The following SKA1 variants were observed in gnomAD, a reference collection of about 807,000 sequenced individuals.
SKA1 encodes spindle and kinetochore associated complex subunit 1, also known as SKA complex subunit 1.
In SKA1, 20 loss-of-function variants were observed where a neutral mutation model predicts 31.8. The observed-to-expected ratio is 0.63, with a 90% CI of 0.44 to 0.91. The LOEUF (loss-of-function observed/expected upper bound fraction) is 0.91, where lower values mean the gene tolerates loss of function less well. Ranked by LOEUF, SKA1 falls within the 40% of genes least tolerant of loss-of-function variation. SKA1 has a pLI of 0.00. For missense variants in SKA1, 253 were observed against 298.2 expected, an observed-to-expected ratio of 0.85 and a Z score of 1.12; for synonymous variants, 88 against 100.5, an observed-to-expected ratio of 0.88 and a Z score of 0.74.
intron 5 of SKA1, among the ~76,000 whole-genome samples, chr18:50,386,103 A>G (rs906977113): frequency 2.0e-5 from 3 of 152,190 alleles, no homozygotes; most frequent in African/African-American, 7.2e-5. Context: ...ACCTGTTATT[A>G]TAGCAATGTA....
intron 5 of SKA1, among the ~76,000 whole-genome samples, chr18:50,385,643 A>C (rs182568463): frequency 2.4e-4 from 37 of 152,320 alleles, no homozygotes; most frequent in Non-Finnish European, 4.4e-4. Context: ...GTTTTGTGGT[A>C]ATTTTAAGGA....
chr18:50,377,379 T>G (rs1300923787), intron 2 of SKA1, among the ~76,000 whole-genome samples: 1 of 152,152 alleles, frequency 6.6e-6, no homozygotes, highest in African/African-American at 2.4e-5. Context: ...AAAGGCAAGT[T>G]AAAAAAACTG....
intron 5 of SKA1, among the ~76,000 whole-genome samples, chr18:50,390,528 G>A (rs975267102): frequency 1.3e-5 from 2 of 152,202 alleles, no homozygotes; most frequent in Non-Finnish European, 2.9e-5. Flanking sequence ...ACTTGAGCTA[G>A]GGCATAGAAA....
At chr18:50,386,884 G>A (rs944350133) in intron 5 of SKA1, among the ~76,000 whole-genome samples, 12 of 152,156 alleles carry the variant, frequency 7.9e-5, no homozygotes, top group Admixed American at 1.3e-4. Context: ...ACACTAAATA[G>A]TACTCCATTG....
intron 3 of SKA1, among the ~76,000 whole-genome samples, chr18:50,381,787 G>T (rs1477805240): frequency 6.9e-6 from 1 of 144,318 alleles, no homozygotes; most frequent in Non-Finnish European, 1.5e-5. Flanking sequence ...GTGCAGTGGC[G>T]CGATCTCAGC....
chr18:50,391,212 C>T lies in SKA1; in HGVS notation c.538C>T (p.His180Tyr), dbSNP rs773447000. The T allele has an allele frequency of 6.8e-6, 11 of 1,606,072 alleles. No individual in the cohort carries two copies. Among genetic ancestry groups the T allele is most frequent in the Non-Finnish European group, 9.3e-6 (11 of 1,177,822 alleles). Reference protein sequence around the residue: ...KAVISKYKILHQPKKSMNSVT... With the variant: ...KAVISKYKILYQPKKSMNSVT... ...AGTAATTAGTAAATATAAAATCCTA[C>T]ATCAGCCAAAAAAGTCTATGAATTC... The change falls in exon 6 of 7, where the codon CAT becomes TAT. Residue 180 changes from histidine (H) to tyrosine (Y), a missense_variant. His to Tyr is a moderately conservative substitution (Grantham distance 83). Transcript: ENST00000285116.
intron 2 of SKA1, among the ~76,000 whole-genome samples, chr18:50,377,847 A>T (rs981346095): frequency 2.0e-5 from 3 of 152,200 alleles, no homozygotes; most frequent in African/African-American, 7.2e-5. Flanking sequence ...ATTGATAACT[A>T]CTAATAAAGG....
chr18:50,376,690 AC>A (rs1239114661), intron 2 of SKA1, among the ~76,000 whole-genome samples: 1 of 152,176 alleles, frequency 6.6e-6, no homozygotes, highest in African/African-American at 2.4e-5. Flanking sequence ...GCTTACTATA[AC>A]TTTTTTACTT....
At chr18:50,385,101 A>G (rs16951837) in intron 4 of SKA1, 115 bp from the exon 5 acceptor site, 19,371 of 801,342 alleles carry the variant, frequency 0.024, 1,481 homozygotes, top group African/African-American at 0.2. Context: ...AATGTTGGCA[A>G]TAAGATTATA....
At chr18:50,376,801 G>T (rs951197651) in intron 2 of SKA1, among the ~76,000 whole-genome samples, 1 of 133,974 alleles carries the variant, frequency 7.5e-6, no homozygotes, top group East Asian at 2.3e-4. Flanking sequence ...ATCTTTATGA[G>T]CTTTTTTTCT....
At chr18:50,391,802 A>G (rs2149324123) in intron 6 of SKA1, among the ~76,000 whole-genome samples, 1 of 152,342 alleles carries the variant, frequency 6.6e-6, no homozygotes, top group African/African-American at 2.4e-5. Context: ...GTCCAAGGTC[A>G]TCCAGTTAAA....
At chr18:50,389,343 G>C (rs1359308508) in intron 5 of SKA1, among the ~76,000 whole-genome samples, 3 of 150,176 alleles carry the variant, frequency 2.0e-5, no homozygotes, top group Non-Finnish European at 3.0e-5. Flanking sequence ...TTCTGGGGGG[G>C]AGAGGGTCAT....
At chr18:50,375,711 C>A (rs937477337) in intron 1 of SKA1, 109 bp from the exon 2 acceptor site, 1 of 669,696 alleles carries the variant, frequency 1.5e-6, no homozygotes, top group Non-Finnish European at 2.5e-6. Context: ...TGTGCTTAAC[C>A]TTCAAAGACA....
intron 5 of SKA1, among the ~76,000 whole-genome samples, chr18:50,389,375 C>CTTTTTTTTTT (rs756288352): frequency 7.0e-5 from 6 of 86,128 alleles, no homozygotes; most frequent in African/African-American, 1.5e-4. Context: ...CTTTACCTTT[C>CTTTTTTTTTT]TTTTTTTTTT....
intron 3 of SKA1, among the ~76,000 whole-genome samples, chr18:50,380,980 G>A (rs1156381297): frequency 6.6e-6 from 1 of 152,188 alleles, no homozygotes; most frequent in Non-Finnish European, 1.5e-5. Context: ...ATAGGAATGG[G>A]CATGATTATG....
intron 2 of SKA1, among the ~76,000 whole-genome samples, chr18:50,379,892 G>A (rs2041249827): frequency 6.6e-6 from 1 of 152,180 alleles, no homozygotes; most frequent in Non-Finnish European, 1.5e-5. Flanking sequence ...GAATTTGCCA[G>A]AAACAAAAGA....
intron 4 of SKA1, among the ~76,000 whole-genome samples, chr18:50,384,893 A>T (rs868293819): frequency 8.7e-6 from 1 of 115,094 alleles, no homozygotes; most frequent in Non-Finnish European, 1.7e-5. Flanking sequence ...AAAAAAAAGG[A>T]AAAAAAAAAA....
intron 5 of SKA1, among the ~76,000 whole-genome samples, 176 bp from the exon 6 acceptor site, chr18:50,390,948 C>A (rs2041351874): frequency 6.6e-6 from 1 of 151,972 alleles, no homozygotes; most frequent in Non-Finnish European, 1.5e-5. Flanking sequence ...AATATGTTGT[C>A]ATCTCTATTT....
At chr18:50,388,894 G>A (rs2041333054) in intron 5 of SKA1, among the ~76,000 whole-genome samples, 1 of 152,102 alleles carries the variant, frequency 6.6e-6, no homozygotes, top group Non-Finnish European at 1.5e-5. Flanking sequence ...CCCTAAACTG[G>A]ATCCCCAGGA....
Sources: gnomAD v4.1 joint callset for allele counts (sites outside exome capture counted in the v4.1 genomes callset) on GRCh38, gnomAD v4.1.1 for gene constraint, MANE v1.5 for transcripts, NCBI Gene and HGNC (gene_info 2026-07-23, HGNC 2026-07-21) for gene names.